DCHS2: variants seen among roughly 807,000 people sequenced by gnomAD.
DCHS2 encodes protocadherin-23.
In DCHS2, 142 loss-of-function variants were observed where a neutral mutation model predicts 182.4. That is an observed-to-expected ratio of 0.78 (90% confidence interval 0.68 to 0.89). The LOEUF (loss-of-function observed/expected upper bound fraction) is 0.89, where lower values mean the gene tolerates loss of function less well. Among genes scored for constraint, DCHS2 ranks in the 40% least tolerant of loss-of-function variants. The probability of loss-of-function intolerance (pLI) is 0.00; values close to 1 mark genes in which losing one functional copy is unlikely to be tolerated. For missense variants in DCHS2, 4,319 were observed against 4,198.6 expected (o/e 1.03, Z -0.79); for synonymous variants, 1,740 against 1,663.3 (o/e 1.05, Z -1.12).
At position 154,304,830 on chromosome 4, in the gene DCHS2, A is replaced by G. The variant is rs1735379789; in HGVS notation, c.5444T>C (p.Ile1815Thr). The G allele has an allele frequency of 6.2e-7, 1 of 1,613,770 alleles. No homozygotes were observed. The highest frequency in any genetic ancestry group is 2.2e-5 in the East Asian group (1 of 44,834). ...GFPSLSSTTT[I>T]LCTVEDENDH... ...GTTTTCATCTTCAACAGTGCAGAGG[A>G]TTGTTGTGGTGCTGGACAATGAAGG... The change falls in exon 12 of 20, where the codon ATC (isoleucine) becomes ACC (threonine). Residue 1815 changes from isoleucine to threonine, a missense_variant. Transcript: ENST00000357232.
chr4:154,485,594 C>T (rs1322877194), intron 1 of DCHS2, among the ~76,000 whole-genome samples: 3 of 152,294 alleles, frequency 2.0e-5, no homozygotes, highest in Admixed American at 1.3e-4. Context: ...GTCCCCAGCA[C>T]CAAGAACAGT....
chr4:154,446,499 T>G (rs982105004), intron 1 of DCHS2, among the ~76,000 whole-genome samples: 1 of 152,204 alleles, frequency 6.6e-6, no homozygotes, highest in Non-Finnish European at 1.5e-5. Context: ...AGTTACACAG[T>G]ATACTATTTA....
chr4:154,370,846 A>G (rs929435416), intron 2 of DCHS2, among the ~76,000 whole-genome samples: 6 of 152,182 alleles, frequency 3.9e-5, no homozygotes, highest in Admixed American at 6.5e-5. Context: ...GGAGAGTTCT[A>G]TTGAATGGGA....
chr4:154,464,134 T>A (rs1735138313), intron 1 of DCHS2, among the ~76,000 whole-genome samples: 1 of 152,082 alleles, frequency 6.6e-6, no homozygotes, highest in African/African-American at 2.4e-5. Context: ...AAAATTAGAC[T>A]GGTCACCAAA....
chr4:154,294,187 C>T (rs1016932157), intron 13 of DCHS2, among the ~76,000 whole-genome samples: 21 of 152,132 alleles, frequency 1.4e-4, no homozygotes, highest in African/African-American at 5.1e-4. Context: ...ACAAAGTGCT[C>T]ATTTGATCAT....
chr4:154,384,552 G>T, intron 1 of DCHS2: 1 of 1,534,772 alleles, frequency 6.5e-7, no homozygotes, highest in South Asian at 1.2e-5. Context: ...TCTCTTATTT[G>T]ATAAAGTAGT....
At chr4:154,319,656 TAAAAAAAAAAAAAA>T (rs59154846) in intron 9 of DCHS2, among the ~76,000 whole-genome samples, 1 of 116,942 alleles carries the variant, frequency 8.6e-6, no homozygotes, top group Non-Finnish European at 1.8e-5. Flanking sequence ...TGGCTGTTAC[TAAAAAAAAAAAAAA>T]AAAAAAAAAA....
At chr4:154,393,858 C>T (rs1395368102) in intron 1 of DCHS2, among the ~76,000 whole-genome samples, 1 of 152,052 alleles carries the variant, frequency 6.6e-6, no homozygotes, top group Non-Finnish European at 1.5e-5. Context: ...CTTAAGGTGA[C>T]TTTATTCTCA....
chr4:154,322,789 T>G, intron 7 of DCHS2: 2 of 274,808 alleles, frequency 7.3e-6, no homozygotes, highest in Non-Finnish European at 1.3e-5. Flanking sequence ...ATGTATATAC[T>G]TCGCTTCTCC....
At chr4:154,348,912 G>C (rs1327739311) in intron 3 of DCHS2, among the ~76,000 whole-genome samples, 4 of 151,932 alleles carry the variant, frequency 2.6e-5, no homozygotes, top group Non-Finnish European at 5.9e-5. Context: ...AAGCCAGACT[G>C]TCTCAGTTCA....
intron 1 of DCHS2, among the ~76,000 whole-genome samples, chr4:154,475,300 A>C (rs964349855): frequency 6.6e-6 from 1 of 152,296 alleles, no homozygotes; most frequent in East Asian, 1.9e-4. Context: ...GTGGCTCTGG[A>C]TCTTAAAATT....
rs1728669740 is a variant in DCHS2, at chr4:154,488,620, T to C, written c.2052+684A>G. 2.0e-5 allele frequency among the ~76,000 whole-genome samples: 3 copies of C among 152,042 alleles called. No individual in the cohort carries two copies. In the South Asian group the frequency reaches 6.2e-4, roughly 32 times the overall value. The stretch of plus-strand genomic sequence containing the variant: ...AGCTGTTAAAAAAATATATGAGACA[T>C]TGCTGGGCGTGGTGGCTCACCCCTG... On this transcript the variant is annotated intron_variant, in intron 1 of 19. Transcript: ENST00000357232.
chr4:154,430,312 A>C (rs571858459), intron 1 of DCHS2, among the ~76,000 whole-genome samples: 1 of 152,202 alleles, frequency 6.6e-6, no homozygotes, highest in African/African-American at 2.4e-5. Flanking sequence ...TCAGAGTCCA[A>C]CTGAGAACTT....
chr4:154,238,161 G>GT (rs879748360), intron 19 of DCHS2, among the ~76,000 whole-genome samples: 133 of 150,598 alleles, frequency 8.8e-4, no homozygotes, highest in Middle Eastern at 3.4e-3. Context: ...AAAGACGGTG[G>GT]GGGGGTGGGG....
chr4:154,379,283 C>T (rs1327063900), intron 1 of DCHS2, among the ~76,000 whole-genome samples: 4 of 152,164 alleles, frequency 2.6e-5, no homozygotes, highest in Non-Finnish European at 4.4e-5. Flanking sequence ...GGCATTCTGG[C>T]TTTTAACTTC....
At chr4:154,407,396 C>G (rs1732446156) in intron 1 of DCHS2, among the ~76,000 whole-genome samples, 1 of 152,160 alleles carries the variant, frequency 6.6e-6, no homozygotes, top group Admixed American at 6.5e-5. Context: ...AACTTGGAGC[C>G]TCTCAGGTAT....
intron 1 of DCHS2, among the ~76,000 whole-genome samples, chr4:154,401,396 A>C (rs944342210): frequency 1.1e-4 from 16 of 152,132 alleles, no homozygotes; most frequent in African/African-American, 3.9e-4. Flanking sequence ...TAGGAGCAGA[A>C]TTGGAGGGTC....
At chr4:154,286,201 C>T (rs1357711157) in intron 13 of DCHS2, among the ~76,000 whole-genome samples, 1 of 152,104 alleles carries the variant, frequency 6.6e-6, no homozygotes, top group African/African-American at 2.4e-5. Context: ...ACCAAAGTCA[C>T]TTCGAATACC....
intron 1 of DCHS2, among the ~76,000 whole-genome samples, chr4:154,448,013 T>G (rs1734372834): frequency 6.6e-6 from 1 of 152,114 alleles, no homozygotes; most frequent in African/African-American, 2.4e-5. Context: ...ACTACCTCAG[T>G]CCTGTTTCAA....
Sources: allele counts gnomAD v4.1 joint callset (sites outside exome capture counted in the v4.1 genomes callset), GRCh38; gene constraint gnomAD v4.1.1; transcripts MANE v1.5; gene names NCBI Gene and HGNC (gene_info 2026-07-23, HGNC 2026-07-21).